DAB1: variants seen among roughly 807,000 people sequenced by gnomAD.
DAB1 encodes disabled homolog 1.
A neutral mutation model predicts 64.6 loss-of-function variants in DAB1; 15 were observed. The ratio of observed to expected loss-of-function variants is 0.23; its 90% CI spans 0.16 to 0.36. The LOEUF is 0.36. DAB1 is among the 10% of genes least tolerant of loss of function. The pLI is 1.00. For missense variants in DAB1, 596 were observed against 706.7 expected (o/e 0.84, Z 1.78); for synonymous variants, 235 against 251.9 (o/e 0.93, Z 0.64).
chr1:58,074,426 G>T (rs1649463280), intron 5 of DAB1: 1 of 144,640 alleles, frequency 6.9e-6, no homozygotes, highest in South Asian at 2.2e-4. Context: ...AAGAATAATT[G>T]TAAGTATCCA....
At position 57,071,080 on chromosome 1, in the gene DAB1, A is replaced by G; in HGVS notation, c.559-19T>C. The stretch of plus-strand genomic sequence containing the variant: ...ATATTGTCTATTGCAGAGTAAGGAG[A>G]GGGAGGGTGAAAAGCAGAGGACATA... On this transcript the variant is annotated intron_variant, in intron 6 of 14. Transcript: ENST00000371236. 1 of 1,609,078 alleles carries G rather than the reference A, an allele frequency of 6.2e-7. No homozygotes were observed. Among genetic ancestry groups the G allele is most frequent in the South Asian group, 1.1e-5 (1 of 90,910 alleles).
In DAB1 at chr1:56,997,333, T is replaced by G. The variant is rs1645665533; in HGVS notation, c.*811A>C. The G allele has an allele frequency of 6.6e-6, 1 of 152,214 alleles. No individual in the cohort carries two copies. The highest frequency in any genetic ancestry group is 1.5e-5 in the Non-Finnish European group (1 of 68,038). The allele number at this position is 152,214 out of a possible 1,614,324, so 9.4% of individuals were successfully genotyped here. ...CTGATGTCTTTTCCTACTCACAGAATGAAGGTTCGTACTGAAAGCTGTCTT... is the reference window on the plus strand; with the variant it reads ...CTGATGTCTTTTCCTACTCACAGAAGGAAGGTTCGTACTGAAAGCTGTCTT... On this transcript the variant is annotated 3_prime_UTR_variant, in exon 15 of 15. Transcript: ENST00000371236.
chr1:57,408,936 T>C (rs968207836), intron 1 of DAB1, among the ~76,000 whole-genome samples: 7 of 152,288 alleles, frequency 4.6e-5, no homozygotes, highest in African/African-American at 1.7e-4. Context: ...TGGGAAACAC[T>C]GGCAAAAGAC....
At chr1:57,548,209 A>C (rs958096254) in intron 7 of DAB1, among the ~76,000 whole-genome samples, 2 of 152,148 alleles carry the variant, frequency 1.3e-5, no homozygotes, top group African/African-American at 4.8e-5. Context: ...GTGCCAAATA[A>C]CTTTAAAAAT....
At chr1:57,058,728 G>T (rs185676860) in intron 9 of DAB1, among the ~76,000 whole-genome samples, 1 of 152,202 alleles carries the variant, frequency 6.6e-6, no homozygotes, top group Non-Finnish European at 1.5e-5. Flanking sequence ...ACCAAAGACC[G>T]AATAGAGCAA....
chr1:58,202,649 G>A (rs758791967), intron 4 of DAB1, among the ~76,000 whole-genome samples: 2 of 152,208 alleles, frequency 1.3e-5, no homozygotes, highest in Non-Finnish European at 2.9e-5. Context: ...AATGTGTTCT[G>A]TAAAATAGAA....
At chr1:57,754,039 C>T (rs1331570740) in intron 6 of DAB1, among the ~76,000 whole-genome samples, 1 of 152,198 alleles carries the variant, frequency 6.6e-6, no homozygotes. Context: ...GGTCACACCA[C>T]TGTCAGAGGC....
chr1:58,234,161 C>G (rs1418074170), intron 4 of DAB1, among the ~76,000 whole-genome samples: 1 of 152,170 alleles, frequency 6.6e-6, no homozygotes, highest in East Asian at 1.9e-4. Context: ...GACTTGAGAC[C>G]ACACGTTCTT....
chr1:58,223,799 T>C (rs1659312459), intron 4 of DAB1, among the ~76,000 whole-genome samples: 1 of 152,312 alleles, frequency 6.6e-6, no homozygotes, highest in South Asian at 2.1e-4. Context: ...ATTACTCTGG[T>C]AATATAGTGT....
chr1:57,539,018 C>T (rs1223481809), intron 7 of DAB1, among the ~76,000 whole-genome samples: 2 of 152,186 alleles, frequency 1.3e-5, no homozygotes, highest in South Asian at 2.1e-4. Context: ...GCCTTCCTTC[C>T]TTTGAGAACC....
At chr1:58,202,517 A>G (rs1388710711) in intron 4 of DAB1, among the ~76,000 whole-genome samples, 2 of 152,212 alleles carry the variant, frequency 1.3e-5, no homozygotes, top group African/African-American at 2.4e-5. Context: ...TGACTAACAG[A>G]GCACAGCAGA....
chr1:57,060,383 C>T (rs1343495872), intron 9 of DAB1, among the ~76,000 whole-genome samples: 1 of 151,986 alleles, frequency 6.6e-6, no homozygotes, highest in African/African-American at 2.4e-5. Context: ...AACTCCTGAC[C>T]TCATGATCTG....
chr1:58,077,760 A>G (rs1649745155), intron 5 of DAB1, among the ~76,000 whole-genome samples: 1 of 152,148 alleles, frequency 6.6e-6, no homozygotes, highest in African/African-American at 2.4e-5. Context: ...AAGGCTGGGG[A>G]GCACGTTCCC....
chr1:58,539,293 A>AT (rs759935425), intron 1 of DAB1: 10 of 824,986 alleles, frequency 1.2e-5, no homozygotes, highest in African/African-American at 1.2e-4. Context: ...GATGAAGCTC[A>AT]TTTTTTCACT....
intron 7 of DAB1, among the ~76,000 whole-genome samples, chr1:57,645,816 A>T (rs1646185650): frequency 6.6e-6 from 1 of 152,188 alleles, no homozygotes; most frequent in Admixed American, 6.5e-5. Context: ...CACCACTGCC[A>T]CCAAAAATAA....
intron 4 of DAB1, among the ~76,000 whole-genome samples, chr1:57,131,344 T>C (rs967998770): frequency 6.6e-6 from 1 of 152,198 alleles, no homozygotes; most frequent in African/African-American, 2.4e-5. Context: ...CAGGAACTGT[T>C]GGATGTAAAT....
chr1:57,011,087 GT>G, intron 13 of DAB1, 57 bp downstream of exon 13: 1 of 1,604,854 alleles, frequency 6.2e-7, no homozygotes, highest in Non-Finnish European at 8.5e-7. Flanking sequence ...ATCCATTTCA[GT>G]TACAGAGGTC....
intron 4 of DAB1, among the ~76,000 whole-genome samples, chr1:58,329,155 G>C (rs1458017501): frequency 6.6e-6 from 1 of 152,192 alleles, no homozygotes; most frequent in Non-Finnish European, 1.5e-5. Flanking sequence ...TGCAGAAAAT[G>C]TAGATAAGCA....
At position 57,996,367 on chromosome 1, in the gene DAB1, G is replaced by A. The variant is rs180944502; in HGVS notation, n.388-112205C>T. ...TAGCACTATACATAGTAGAAGTTTCGAAAATAACAATTCAGACTAAATCCC... is the reference window on the plus strand; with the variant it reads ...TAGCACTATACATAGTAGAAGTTTCAAAAATAACAATTCAGACTAAATCCC... On this transcript the variant is annotated intron_variant and non_coding_transcript_variant, in intron 5 of 20. Coordinates refer to the DAB1 transcript ENST00000485760. 1.3e-3 allele frequency among the ~76,000 whole-genome samples: 201 copies of A among 152,236 alleles called. 1 individual carries two copies. The Middle Eastern group carries it at 0.02, about 15-fold the overall frequency.
Sources: allele counts gnomAD v4.1 joint callset (sites outside exome capture counted in the v4.1 genomes callset), GRCh38; gene constraint gnomAD v4.1.1; transcripts MANE v1.5; gene names NCBI Gene and HGNC (gene_info 2026-07-23, HGNC 2026-07-21).